Variants in SUZ12 observed in about 807,000 individuals in gnomAD.
The protein encoded by SUZ12 is SUZ12 polycomb repressive complex 2 subunit.
SUZ12 carries 17 observed loss-of-function variants against 87.3 expected under a neutral mutation model. The ratio of observed to expected loss-of-function variants is 0.19; its 90% CI spans 0.13 to 0.29. The LOEUF is 0.29. SUZ12 is among the 10% of genes least tolerant of loss of function. The pLI, the probability that SUZ12 is intolerant of heterozygous loss-of-function variation, is 1.00. For synonymous variants in SUZ12, 253 were observed against 312.4 expected (o/e 0.81, Z 2.01); for missense variants, 526 against 912.2 (o/e 0.58, Z 5.45).
At chr17:31,965,728 G>A (rs1230981916) in intron 4 of SUZ12, 2 of 153,218 alleles carry the variant, frequency 1.3e-5, no homozygotes, top group South Asian at 2.1e-4. Flanking sequence ...TGACTAAAGC[G>A]TCATTAAAAC....
At chr17:31,940,610 G>T (rs4488512) in intron 3 of SUZ12, 124 bp downstream of exon 3, 25 of 1,416,736 alleles carry the variant, frequency 1.8e-5, no homozygotes, top group Admixed American at 2.9e-5. Flanking sequence ...AAAGATTTAA[G>T]ATGAAAACTG....
At chr17:31,960,042 C>T (rs541509083) in intron 4 of SUZ12, among the ~76,000 whole-genome samples, 3 of 152,268 alleles carry the variant, frequency 2.0e-5, no homozygotes, top group African/African-American at 4.8e-5. Flanking sequence ...ACCAACCTTA[C>T]GTGTTTCTTT....
intron 1 of SUZ12, among the ~76,000 whole-genome samples, chr17:31,937,971 G>A (rs1220225179): frequency 6.9e-6 from 1 of 145,342 alleles, no homozygotes; most frequent in Non-Finnish European, 1.5e-5. Flanking sequence ...AGTGTCCTTA[G>A]TCTGAAATGC....
rs184362393 is a variant in SUZ12, at chr17:31,955,721, A to G, written c.455+8036A>G. Among the ~76,000 whole-genome samples the G allele has an allele frequency of 2.1e-3, 320 of 151,724 alleles. 1 individual carries two copies. Among genetic ancestry groups the G allele is most frequent in the African/African-American group, 6.0e-3 (247 of 41,418 alleles). On this transcript the variant is annotated intron_variant, in intron 4 of 15. Coordinates refer to ENST00000322652, the MANE Select transcript of SUZ12 (RefSeq NM_015355.4). ...AGAGATCGCGCCATTGCACTCCAGC[A>G]TGGGCGACAGAGTGAGACTACATCT...
At chr17:31,997,818 C>T (rs547843287) in intron 15 of SUZ12, among the ~76,000 whole-genome samples, 4 of 152,234 alleles carry the variant, frequency 2.6e-5, no homozygotes, top group African/African-American at 9.6e-5. Flanking sequence ...AAAATTACCA[C>T]AGTTATTACC....
chr17:31,961,366 G>A (rs1419310794), intron 4 of SUZ12, among the ~76,000 whole-genome samples: 1 of 152,136 alleles, frequency 6.6e-6, no homozygotes, highest in Non-Finnish European at 1.5e-5. Flanking sequence ...GGCCAACGTG[G>A]TGAAACCTCA....
intron 4 of SUZ12, among the ~76,000 whole-genome samples, chr17:31,960,176 A>G (rs1598159827): frequency 2.0e-5 from 3 of 152,136 alleles, no homozygotes; most frequent in Admixed American, 6.6e-5. Context: ...TATGGAAGGG[A>G]TCATTGGTAC....
In SUZ12 at chr17:31,937,104, CT is replaced by C; in HGVS notation, c.-141del. ...CCCTCCTTCCCTCCTCTCCTCCTCC[CT>C]TCCCTTCCCCTCTCCTCCCCTCTCT... On this transcript the variant is annotated 5_prime_UTR_variant, in exon 1 of 16. Coordinates refer to ENST00000322652, the MANE Select transcript of SUZ12 (RefSeq NM_015355.4). 1 of 678,316 alleles carries C rather than the reference CT, an allele frequency of 1.5e-6. No individual in the cohort carries two copies. Among genetic ancestry groups the C allele is most frequent in the Non-Finnish European group, 2.2e-6 (1 of 458,646 alleles). The allele number at this position is 678,316 out of a possible 1,614,324, so 42.0% of individuals were successfully genotyped here. A position where few individuals can be genotyped will look rare whatever the true frequency, so the allele number is the denominator to read the frequency against.
Position 31,998,870 on chromosome 17 carries a change from C to T in SUZ12, c.2087C>T (p.Pro696Leu). The T allele has an allele frequency of 6.2e-7, 1 of 1,613,630 alleles. No homozygotes were observed. The highest frequency in any genetic ancestry group is 1.7e-5 in the Admixed American group (1 of 59,902). ...QKLEKGESASPANEEITEEQN... is the reference protein window; with the variant it reads ...QKLEKGESASLANEEITEEQN... Reference sequence around the variant, plus strand: ...TTAGAAAAGGGGGAATCTGCTTCCCCTGCAAACGAAGAAATAACTGAAGAA... The same window carrying T: ...TTAGAAAAGGGGGAATCTGCTTCCCTTGCAAACGAAGAAATAACTGAAGAA... Residue 696 changes from proline (P) to leucine (L), a missense_variant, in exon 16 of 16, where the codon CCT (proline) becomes CTT (leucine). Transcript: ENST00000322652.
At chr17:31,947,455 C>T (rs1042034812) in intron 3 of SUZ12, among the ~76,000 whole-genome samples, 162 bp from the exon 4 acceptor site, 2 of 152,062 alleles carry the variant, frequency 1.3e-5, no homozygotes, top group East Asian at 1.9e-4. Context: ...TATTATACAC[C>T]GTCTCCATAG....
chr17:31,974,284 C>T (rs999212436), intron 6 of SUZ12, among the ~76,000 whole-genome samples: 1 of 152,170 alleles, frequency 6.6e-6, no homozygotes, highest in South Asian at 2.1e-4. Context: ...CCTGTAATCC[C>T]AGCACTTTGA....
At chr17:31,949,554 G>T (rs1026388297) in intron 4 of SUZ12, among the ~76,000 whole-genome samples, 1 of 146,932 alleles carries the variant, frequency 6.8e-6, no homozygotes, top group Admixed American at 7.0e-5. Flanking sequence ...GAGTCATGCA[G>T]TGGTGCTATC....
intron 4 of SUZ12, among the ~76,000 whole-genome samples, chr17:31,957,400 C>T (rs922714710): frequency 4.6e-5 from 7 of 151,608 alleles, no homozygotes; most frequent in Non-Finnish European, 7.4e-5. Context: ...CCACCATACC[C>T]GGATAATTTT....
chr17:31,972,345 G>GTATA (rs758312683), intron 5 of SUZ12, among the ~76,000 whole-genome samples: 13 of 147,184 alleles, frequency 8.8e-5, no homozygotes, highest in Non-Finnish European at 1.5e-4. Context: ...ATATATATGT[G>GTATA]TATATATATA....
At chr17:31,964,241 A>G (rs113768141) in intron 4 of SUZ12, among the ~76,000 whole-genome samples, 10,551 of 150,322 alleles carry the variant, frequency 0.07, no homozygotes, top group African/African-American at 0.23. Context: ...TAGCCAGGAT[A>G]GTCTTCATCT....
chr17:31,997,302 C>T (rs1910025886), intron 15 of SUZ12, among the ~76,000 whole-genome samples: 1 of 152,104 alleles, frequency 6.6e-6, no homozygotes, highest in Non-Finnish European at 1.5e-5. Context: ...GGTGCCCATC[C>T]TAACTCTCGT....
intron 4 of SUZ12, among the ~76,000 whole-genome samples, chr17:31,962,274 A>C (rs2142154268): frequency 6.6e-6 from 1 of 152,204 alleles, no homozygotes; most frequent in South Asian, 2.1e-4. Flanking sequence ...TGTCTCTAAA[A>C]GAAAAAAAAA....
intron 4 of SUZ12, among the ~76,000 whole-genome samples, chr17:31,960,944 GC>G (rs1190527377): frequency 1.3e-5 from 2 of 152,186 alleles, no homozygotes; most frequent in Non-Finnish European, 2.9e-5. Context: ...GGGCATGGTG[GC>G]TCACACCTGT....
rs1357640334 is a variant in SUZ12 at position 31,960,120 on chromosome 17, A to AG, written c.456-6024dup. Among the ~76,000 whole-genome samples, 9 of 152,208 alleles carry AG rather than the reference A, an allele frequency of 5.9e-5. No individual in the cohort carries two copies. The South Asian group carries it at 1.7e-3, about 28-fold the overall frequency. ...ACAAAGTAGCTGCAAGAGAGGGCAG[A>AG]GGGAAGGGAGAGAAAACTTTGCCCT... On this transcript the variant is annotated intron_variant, in intron 4 of 15. Coordinates refer to ENST00000322652, the MANE Select transcript of SUZ12 (RefSeq NM_015355.4).
Sources: gnomAD v4.1 joint callset for allele counts (sites outside exome capture counted in the v4.1 genomes callset) on GRCh38, gnomAD v4.1.1 for gene constraint, MANE v1.5 for transcripts, NCBI Gene and HGNC (gene_info 2026-07-23, HGNC 2026-07-21) for gene names.